Variants in IPO7 observed in about 807,000 individuals in gnomAD.
IPO7 encodes importin-7.
In IPO7, 13 loss-of-function variants were observed where a neutral mutation model predicts 136.4. The ratio of observed to expected loss-of-function variants is 0.10; its 90% CI spans 0.06 to 0.15. The LOEUF (loss-of-function observed/expected upper bound fraction) is 0.15. Ranked by LOEUF, IPO7 falls within the 10% of genes least tolerant of loss-of-function variation. The probability of loss-of-function intolerance (pLI) is 1.00; values close to 1 mark genes in which losing one functional copy is unlikely to be tolerated. For synonymous variants in IPO7, 403 were observed against 404.4 expected (o/e 1.00, Z 0.04); for missense variants, 857 against 1,240.6 (o/e 0.69, Z 4.65).
intron 18 of IPO7, 86 bp from the exon 19 acceptor site, chr11:9,434,848 T>A (rs1855348442): frequency 1.2e-6 from 1 of 866,170 alleles, no homozygotes; most frequent in Middle Eastern, 3.4e-4. Flanking sequence ...TCTCATAGAT[T>A]TGCCTTTTTC....
At chr11:9,427,666 G>A (rs1453251794) in intron 12 of IPO7, among the ~76,000 whole-genome samples, 5 of 152,198 alleles carry the variant, frequency 3.3e-5, no homozygotes, top group Non-Finnish European at 7.3e-5. Flanking sequence ...GAATTAGTGA[G>A]TTCTCTTGGC....
At chr11:9,395,389 G>A (rs1185706351) in intron 1 of IPO7, among the ~76,000 whole-genome samples, 10 of 151,034 alleles carry the variant, frequency 6.6e-5, no homozygotes, top group Non-Finnish European at 1.3e-4. Flanking sequence ...GATTACAGGC[G>A]CCCCCCACTG....
At position 9,406,104 on chromosome 11, in the gene IPO7, CTTTT is replaced by C. The variant is rs71062847; in HGVS notation, c.167-2357_167-2354del. Among the ~76,000 whole-genome samples, 46 of 61,830 alleles carry C rather than the reference CTTTT, an allele frequency of 7.4e-4. 1 individual carries two copies. Among genetic ancestry groups the C allele is most frequent in the Non-Finnish European group, 1.1e-3 (42 of 38,792 alleles). The allele number at this position is 61,830 out of a possible 152,430, so 40.6% of individuals were successfully genotyped here. ...ATCTCACTATGTTGCTGAGGCTGGT[CTTTT>C]TTTTTTTTTTTTTTTTTTTTTTTTA... On this transcript the variant is annotated intron_variant, in intron 2 of 24. Transcript: ENST00000379719.
In IPO7 at chr11:9,440,530, G is replaced by T. The variant is rs369659497; in HGVS notation, c.2771G>T (p.Gly924Val). Residue 924 changes from glycine (G) to valine (V), a missense_variant, in exon 23 of 25, where the codon GGT becomes GTT. Gly to Val is a moderately radical substitution (Grantham distance 109). Around this residue, in one of 11 missense-constraint regions of IPO7, gnomAD observed 119 missense variants for 155.5 expected, o/e 0.77. Transcript: ENST00000379719. Reference protein sequence around the residue: ...EYLEILAKQAGEDGDDEDWEE... With the variant: ...EYLEILAKQAVEDGDDEDWEE... Reference sequence around the variant, plus strand: ...TTGGAGATTCTGGCTAAGCAGGCTGGTGAAGATGGAGATGATGAAGATTGG... The same window carrying T: ...TTGGAGATTCTGGCTAAGCAGGCTGTTGAAGATGGAGATGATGAAGATTGG... The T allele has an allele frequency of 6.2e-7, 1 of 1,614,076 alleles. No homozygotes were observed. Among genetic ancestry groups the T allele is most frequent in the Non-Finnish European group, 8.5e-7 (1 of 1,179,932 alleles).
In IPO7 at chr11:9,431,067, ATC is replaced by A. The variant is rs1855287035; in HGVS notation, c.1881+70_1881+71del. 6 of 1,325,402 alleles carry A rather than the reference ATC, an allele frequency of 4.5e-6. No individual in the cohort carries two copies. The East Asian group carries it at 1.4e-4, about 31-fold the overall frequency. 82.1% of individuals were successfully genotyped at this position (1,325,402 alleles called of 1,614,324 possible). On this transcript the variant is annotated intron_variant, in intron 16 of 24. Coordinates refer to ENST00000379719, the MANE Select transcript of IPO7 (RefSeq NM_006391.3). The stretch of plus-strand genomic sequence containing the variant: ...TTTATGCTTTTTAGAGGGCTCTAAT[ATC>A]TCTCTGGCATCTCATGTACCATGTT...
At chr11:9,402,450 G>A (rs1157886794) in intron 1 of IPO7, among the ~76,000 whole-genome samples, 3 of 136,882 alleles carry the variant, frequency 2.2e-5, no homozygotes, top group Admixed American at 7.5e-5. Context: ...GGGGTCAGAC[G>A]CAATGGCTCA....
At chr11:9,408,661 C>A in intron 3 of IPO7, 22 bp downstream of exon 3, 1 of 1,483,064 alleles carries the variant, frequency 6.7e-7, no homozygotes, top group South Asian at 1.4e-5. Flanking sequence ...TAAAATTTAC[C>A]CATTTCTGCA....
chr11:9,442,813 G>A (rs879477479), intron 24 of IPO7, among the ~76,000 whole-genome samples: 11 of 151,724 alleles, frequency 7.3e-5, no homozygotes, highest in South Asian at 6.3e-4. Flanking sequence ...GCCTGAGCTC[G>A]GGAGTTTGAG....
chr11:9,420,414 A>G lies in IPO7; in HGVS notation c.730A>G (p.Thr244Ala). The change falls in exon 7 of 25, where the codon ACA becomes GCA. Residue 244 changes from threonine to alanine, a missense_variant. Coordinates refer to ENST00000379719, the MANE Select transcript of IPO7 (RefSeq NM_006391.3). ...TTAAATAAGTGTCTTTTTAAAGGAA[A>G]CACTTCAAGTTGAAGAAGATGATCG... ...TVVNRDVPNE[T>A]LQVEEDDRPE... is the part of the protein sequence containing the mutation. 1 of 1,600,360 alleles carries G rather than the reference A, an allele frequency of 6.2e-7. No individual in the cohort carries two copies. Among genetic ancestry groups the G allele is most frequent in the South Asian group, 1.1e-5 (1 of 90,696 alleles).
chr11:9,445,350 A>T lies in IPO7; in HGVS notation c.*156A>T, dbSNP rs183668627. ...CCAGGAGATGGGACCTGATCATGCA[A>T]CCTGGCACTGGAAAAGAAATCAGCG... On this transcript the variant is annotated 3_prime_UTR_variant, in exon 25 of 25. Coordinates refer to ENST00000379719, the MANE Select transcript of IPO7 (RefSeq NM_006391.3). 3.3e-5 allele frequency: 6 copies of T among 179,194 alleles called. No individual in the cohort carries two copies. In the East Asian group the frequency reaches 8.4e-4, roughly 25 times the overall value. The allele number at this position is 179,194 out of a possible 1,614,324, so 11.1% of individuals were successfully genotyped here.
chr11:9,404,922 A>G (rs969982136), intron 2 of IPO7, among the ~76,000 whole-genome samples: 29 of 152,068 alleles, frequency 1.9e-4, no homozygotes, highest in African/African-American at 7.0e-4. Flanking sequence ...TATGCAGTAA[A>G]CTGTTAAAAT....
In IPO7 at chr11:9,420,548, G is replaced by A. The variant is rs773870775; in HGVS notation, c.821+43G>A. On this transcript the variant is annotated intron_variant, in intron 7 of 24. Coordinates refer to ENST00000379719, the MANE Select transcript of IPO7 (RefSeq NM_006391.3). ...TGGTGATTTAAATTAATTTATTAAG[G>A]TTTTGCTTTAAAGTGCTAGCATAAA... The A allele has an allele frequency of 3.0e-5, 47 of 1,571,176 alleles. No individual in the cohort carries two copies. In the South Asian group the frequency reaches 4.3e-4, roughly 15 times the overall value.
chr11:9,425,464 G>GGT (rs1395960619), intron 12 of IPO7: 1 of 519,102 alleles, frequency 1.9e-6, no homozygotes, highest in African/African-American at 1.9e-5. Context: ...AAATAGGCCG[G>GGT]GTGTGGTGGC....
At chr11:9,406,426 C>T (rs987355095) in intron 2 of IPO7, among the ~76,000 whole-genome samples, 39 of 151,820 alleles carry the variant, frequency 2.6e-4, no homozygotes, top group African/African-American at 9.2e-4. Flanking sequence ...AAGTGTTTGA[C>T]CTTTAGGAGT....
intron 19 of IPO7, among the ~76,000 whole-genome samples, chr11:9,435,278 CAT>C (rs35419200): frequency 0.35 from 52,976 of 151,874 alleles, 9,951 homozygotes; most frequent in Non-Finnish European, 0.43. Flanking sequence ...GTTTAACTAA[CAT>C]AGTCTTATGG....
At chr11:9,433,923 CTTT>C (rs35376155) in intron 18 of IPO7, 77 bp downstream of exon 18, 12,142 of 1,031,072 alleles carry the variant, frequency 0.012, no homozygotes, top group Non-Finnish European at 0.013. Flanking sequence ...TGAACATACA[CTTT>C]TTTTTTTTTT....
intron 1 of IPO7, among the ~76,000 whole-genome samples, chr11:9,386,592 G>A (rs772325969): frequency 6.6e-6 from 1 of 152,144 alleles, no homozygotes; most frequent in African/African-American, 2.4e-5. Flanking sequence ...TACTTGAAGA[G>A]TTGGTTTGCT....
intron 6 of IPO7, 135 bp downstream of exon 6, chr11:9,417,283 G>A (rs1855054642): frequency 2.1e-6 from 1 of 471,992 alleles, no homozygotes; most frequent in South Asian, 3.9e-5. Context: ...TAGATTAGAG[G>A]TACCTTTTCA....
chr11:9,431,022 G>A lies in IPO7; in HGVS notation c.1881+19G>A. The A allele has an allele frequency of 6.2e-7, 1 of 1,605,742 alleles. No individual in the cohort carries two copies. Among genetic ancestry groups the A allele is most frequent in the Non-Finnish European group, 8.5e-7 (1 of 1,173,680 alleles). On this transcript the variant is annotated intron_variant, in intron 16 of 24. Coordinates refer to ENST00000379719, the MANE Select transcript of IPO7 (RefSeq NM_006391.3). ...TAAAGAGGTAAGAAGATGATCTAGT[G>A]TTGCAGTTTTTCAAGCCATTTTATG...
Sources: gnomAD v4.1 joint callset for allele counts (sites outside exome capture counted in the v4.1 genomes callset) on GRCh38, gnomAD v4.1.1 for gene constraint, gnomAD v4.1.1 regional missense constraint, MANE v1.5 for transcripts, NCBI Gene and HGNC (gene_info 2026-07-23, HGNC 2026-07-21) for gene names.